UBE2U: variants seen among roughly 807,000 people sequenced by gnomAD.
The protein encoded by UBE2U is ubiquitin-conjugating enzyme E2 U.
In UBE2U, 39 loss-of-function variants were observed where a neutral mutation model predicts 41.2. That is an observed-to-expected ratio of 0.95 (90% CI 0.73 to 1.24). The LOEUF is 1.24. Among genes scored for constraint, UBE2U ranks in the 50% most tolerant of loss-of-function variants. The probability of loss-of-function intolerance (pLI) is 0.00; values close to 1 mark genes in which losing one functional copy is unlikely to be tolerated. For missense variants in UBE2U, 336 were observed against 363.1 expected, an observed-to-expected ratio of 0.93 and a Z score of 0.61; for synonymous variants, 107 against 117.8, an observed-to-expected ratio of 0.91 and a Z score of 0.60.
chr1:64,220,991 T>A, intron 6 of UBE2U, 84 bp downstream of exon 6: 1 of 896,226 alleles, frequency 1.1e-6, no homozygotes, highest in Non-Finnish European at 1.7e-6. Flanking sequence ...TCATCATAAT[T>A]AAATGTTTGT....
At chr1:64,206,278 T>C (rs2100237247) in intron 2 of UBE2U, among the ~76,000 whole-genome samples, 1 of 152,200 alleles carries the variant, frequency 6.6e-6, no homozygotes, top group African/African-American at 2.4e-5. Context: ...TACATTATTA[T>C]GGATTTTGAA....
At chr1:64,239,102 G>GAAAGAAGAAGAAGA (rs1398138539) in intron 7 of UBE2U, among the ~76,000 whole-genome samples, 1 of 7,190 alleles carries the variant, frequency 1.4e-4, no homozygotes, top group African/African-American at 8.2e-4. Flanking sequence ...GGAAGAAGAA[G>GAAAGAAGAAGAAGA]AAGAAGAAGA....
chr1:64,231,484 C>T (rs1043296886), intron 6 of UBE2U, among the ~76,000 whole-genome samples: 2 of 152,260 alleles, frequency 1.3e-5, no homozygotes, highest in African/African-American at 4.8e-5. Context: ...GCACAGCATG[C>T]GGCTCTGGAA....
At chr1:64,218,924 G>T (rs1348732090) in intron 5 of UBE2U, among the ~76,000 whole-genome samples, 1 of 152,128 alleles carries the variant, frequency 6.6e-6, no homozygotes, top group Non-Finnish European at 1.5e-5. Context: ...TTTGTTTTGG[G>T]AGCCCTCTTT....
At position 64,265,071 on chromosome 1, in the gene UBE2U, T is replaced by G. The variant is rs375050961; in HGVS notation, c.770-1953T>G. On this transcript the variant is annotated intron_variant, in intron 9 of 9. Transcript: ENST00000371077. ...GCCGTCCACTCTTAAAAATGAGATC[T>G]TGGTGAGAAGATCGCTTTTTCCCCT... Among the ~76,000 whole-genome samples the G allele has an allele frequency of 2.6e-5, 4 of 152,278 alleles. No individual in the cohort carries two copies. In the East Asian group the frequency reaches 7.7e-4, roughly 29 times the overall value.
chr1:64,225,893 C>T (rs747774691), intron 6 of UBE2U, among the ~76,000 whole-genome samples: 1 of 152,202 alleles, frequency 6.6e-6, no homozygotes, highest in South Asian at 2.1e-4. Context: ...TTGGAGCTTT[C>T]GTACATTGCT....
chr1:64,253,356 G>A (rs1645041130), intron 8 of UBE2U, among the ~76,000 whole-genome samples: 1 of 151,672 alleles, frequency 6.6e-6, no homozygotes, highest in Non-Finnish European at 1.5e-5. Context: ...ATATCATCCA[G>A]GAGAATTTCC....
chr1:64,243,568 C>T (rs1187192919), intron 8 of UBE2U, among the ~76,000 whole-genome samples: 1 of 152,102 alleles, frequency 6.6e-6, no homozygotes, highest in African/African-American at 2.4e-5. Context: ...TTTCCTTACG[C>T]TGAAATTTCC....
At chr1:64,210,680 T>C in intron 3 of UBE2U, 62 bp from the exon 4 acceptor site, 3 of 1,104,826 alleles carry the variant, frequency 2.7e-6, no homozygotes, top group Non-Finnish European at 3.7e-6. Context: ...CATTTTGATG[T>C]TTGTAAGTTT....
chr1:64,244,550 G>A (rs1644889609), intron 8 of UBE2U, among the ~76,000 whole-genome samples: 1 of 152,074 alleles, frequency 6.6e-6, no homozygotes, highest in Admixed American at 6.6e-5. Flanking sequence ...TACATTTATT[G>A]TAGTTCCTAT....
chr1:64,222,866 G>A (rs1427734760), intron 6 of UBE2U, among the ~76,000 whole-genome samples: 1 of 152,182 alleles, frequency 6.6e-6, no homozygotes, highest in Non-Finnish European at 1.5e-5. Flanking sequence ...ATATATCCAG[G>A]CAGTTGGACC....
chr1:64,251,272 G>A (rs1237263205), intron 8 of UBE2U, among the ~76,000 whole-genome samples: 1 of 151,060 alleles, frequency 6.6e-6, no homozygotes, highest in East Asian at 1.9e-4. Flanking sequence ...ACTATACTTG[G>A]TCAGGATTAA....
intron 4 of UBE2U, among the ~76,000 whole-genome samples, chr1:64,211,611 T>G (rs1362712347): frequency 6.6e-6 from 1 of 151,898 alleles, no homozygotes; most frequent in East Asian, 1.9e-4. Flanking sequence ...GGCTAATTTT[T>G]TAAATTTTCT....
intron 8 of UBE2U, among the ~76,000 whole-genome samples, chr1:64,248,999 A>G (rs1368170791): frequency 6.6e-6 from 1 of 152,216 alleles, no homozygotes; most frequent in Non-Finnish European, 1.5e-5. Context: ...GCCAGAATGA[A>G]GAACAATCAG....
chr1:64,239,157 A>AAGAAAG, intron 7 of UBE2U, among the ~76,000 whole-genome samples: 2 of 37,064 alleles, frequency 5.4e-5, no homozygotes, highest in Admixed American at 3.2e-4. Flanking sequence ...GAAGAAGAAG[A>AAGAAAG]AAGAAGAAGA....
chr1:64,234,108 C>T (rs896457002), intron 7 of UBE2U, among the ~76,000 whole-genome samples: 1 of 152,194 alleles, frequency 6.6e-6, no homozygotes, highest in Non-Finnish European at 1.5e-5. Context: ...ATTCCTAAAG[C>T]TGCATCTCTA....
intron 8 of UBE2U, among the ~76,000 whole-genome samples, chr1:64,252,890 T>C (rs1326130196): frequency 6.6e-6 from 1 of 152,078 alleles, no homozygotes; most frequent in Non-Finnish European, 1.5e-5. Flanking sequence ...CCAGCAAGGG[T>C]ACAGAACTGG....
rs1255561290 is a variant in UBE2U, at chr1:64,260,525, T to G, written c.678-78T>G. On this transcript the variant is annotated intron_variant, in intron 8 of 9. Coordinates refer to ENST00000371077, the MANE Select transcript of UBE2U (RefSeq NM_001366232.2). ...TACTTTTATGTTTCATTTCATTTGT[T>G]TCACTTATTTTTCTCAGAAGTAAAT... The G allele has an allele frequency of 2.8e-6, 3 of 1,063,698 alleles. No homozygotes were observed. The African/African-American group carries it at 4.8e-5, about 17-fold the overall frequency. The allele number at this position is 1,063,698 out of a possible 1,614,324, so 65.9% of individuals were successfully genotyped here. A position where few individuals can be genotyped will look rare whatever the true frequency, so the allele number is the denominator to read the frequency against.
chr1:64,229,845 G>A (rs1360352751), intron 6 of UBE2U, among the ~76,000 whole-genome samples: 1 of 152,020 alleles, frequency 6.6e-6, no homozygotes, highest in African/African-American at 2.4e-5. Context: ...TTCTCTAGTA[G>A]CTTCCTCTAT....
Sources: allele counts gnomAD v4.1 joint callset (sites outside exome capture counted in the v4.1 genomes callset), GRCh38; gene constraint gnomAD v4.1.1; transcripts MANE v1.5; gene names NCBI Gene and HGNC (gene_info 2026-07-23, HGNC 2026-07-21).